MRS2: variants seen among roughly 807,000 people sequenced by gnomAD.
MRS2 encodes magnesium transporter MRS2.
In MRS2, 40 loss-of-function variants were observed where a neutral mutation model predicts 52.6. That is an observed-to-expected ratio of 0.76 (90% confidence interval 0.59 to 0.99). MRS2 has a LOEUF of 0.99. Among genes scored for constraint, MRS2 ranks in the 50% least tolerant of loss-of-function variants. The probability of loss-of-function intolerance (pLI) is 0.00; values close to 1 mark genes in which losing one functional copy is unlikely to be tolerated. For missense variants in MRS2, 472 were observed against 532.7 expected, an observed-to-expected ratio of 0.89 and a Z score of 1.12; for synonymous variants, 193 against 195.9, an observed-to-expected ratio of 0.98 and a Z score of 0.13.
At chr6:24,417,953 A>AAG (rs1325757905) in intron 7 of MRS2, 131 bp from the exon 8 acceptor site, 4 of 412,018 alleles carry the variant, frequency 9.7e-6, no homozygotes, top group Non-Finnish European at 1.5e-5. Flanking sequence ...AAAAAAAAAA[A>AAG]GACAAGACAA....
chr6:24,418,261 A>G (rs747715189), intron 8 of MRS2, 25 bp downstream of exon 8: 9 of 1,524,540 alleles, frequency 5.9e-6, no homozygotes, highest in Non-Finnish European at 7.9e-6. Context: ...TATAAAACTA[A>G]GTTTTTTTAA....
rs1295686633 is a variant in MRS2 at position 24,403,158 on chromosome 6, G to C, written c.112G>C (p.Ala38Pro). The change falls in exon 1 of 11, where the codon GCC becomes CCC. Residue 38 changes from alanine (A) to proline (P), a missense_variant. By Grantham distance (27) the Ala-to-Pro change is conservative (BLOSUM62 -1). Coordinates refer to ENST00000378386, the MANE Select transcript of MRS2 (RefSeq NM_020662.4). The stretch of plus-strand genomic sequence containing the variant: ...GACCTCTGTGGGTCCTCCCGTTGCT[G>C]CCTGCGGCCGCCGAGCCAACCTGAT... ...DVTSVGPPVA[A>P]CGRRANLIGR... The C allele has an allele frequency of 1.9e-6, 3 of 1,609,104 alleles. No individual in the cohort carries two copies. In the African/African-American group the frequency reaches 4.0e-5, roughly 21 times the overall value.
In MRS2 at chr6:24,425,646, G is replaced by A. The variant is rs1762209519; in HGVS notation, c.*1952G>A. On this transcript the variant is annotated 3_prime_UTR_variant, in exon 11 of 11. Coordinates refer to ENST00000378386, the MANE Select transcript of MRS2 (RefSeq NM_020662.4). ...AAATGGACTGAGCACATTAATTACT[G>A]TTTGAAAGTAGGTACCAAACACTGG... 6.6e-6 allele frequency: 1 copy of A among 152,188 alleles called. No individual in the cohort carries two copies. The highest frequency in any genetic ancestry group is 6.5e-5 in the Admixed American group (1 of 15,284). The allele number at this position is 152,188 out of a possible 1,614,324, so 9.4% of individuals were successfully genotyped here.
chr6:24,418,105 T>C lies in MRS2; in HGVS notation c.858T>C (p.Ile286=), dbSNP rs752725510. ...GAAGTGAAAAGAGCAGTGCTGGGAT[T>C]GACCATGCAGAAGAGATGGAGTTGC... The part of the protein sequence containing the change: ...PQVFEKSSAG[I]DHAEEMELLL... Residue 286 remains isoleucine, a synonymous_variant, in exon 8 of 11, where the codon ATT becomes ATC. Coordinates refer to ENST00000378386, the MANE Select transcript of MRS2 (RefSeq NM_020662.4). The C allele has an allele frequency of 6.2e-7, 1 of 1,613,088 alleles. No homozygotes were observed. Among genetic ancestry groups the C allele is most frequent in the Admixed American group, 1.7e-5 (1 of 59,734 alleles).
intron 5 of MRS2, among the ~76,000 whole-genome samples, chr6:24,414,662 G>C (rs1223280692): frequency 6.6e-6 from 1 of 152,172 alleles, no homozygotes; most frequent in South Asian, 2.1e-4. Flanking sequence ...TGAGCTGTTG[G>C]GTACACCTCC....
intron 5 of MRS2, among the ~76,000 whole-genome samples, 168 bp downstream of exon 5, chr6:24,412,563 T>G (rs1237645277): frequency 6.6e-6 from 1 of 152,210 alleles, no homozygotes; most frequent in Non-Finnish European, 1.5e-5. Context: ...AATTCTTAAA[T>G]GTTATGACCC....
At chr6:24,408,266 G>C (rs147366866) in intron 2 of MRS2, 142 bp from the exon 3 acceptor site, 27 of 590,326 alleles carry the variant, frequency 4.6e-5, no homozygotes, top group African/African-American at 4.1e-4. Flanking sequence ...ATCTAAAGAA[G>C]GTCAGTAATG....
chr6:24,418,595 AT>A lies in MRS2; in HGVS notation c.1107+20del. ...CTTGAAGAGGTGAGAATGTATTATT[AT>A]TTCTAAAACTTGGGGGTTTTGGCCG... On this transcript the variant is annotated intron_variant, in intron 9 of 10. Coordinates refer to ENST00000378386, the MANE Select transcript of MRS2 (RefSeq NM_020662.4). 2 of 1,591,378 alleles carry A rather than the reference AT, an allele frequency of 1.3e-6. No individual in the cohort carries two copies. The highest frequency in any genetic ancestry group is 8.6e-7 in the Non-Finnish European group (1 of 1,160,674).
At chr6:24,414,962 G>A in intron 5 of MRS2, 71 bp from the exon 6 acceptor site, 2 of 1,361,678 alleles carry the variant, frequency 1.5e-6, no homozygotes, top group Non-Finnish European at 2.0e-6. Context: ...TATTTAATCA[G>A]AGGATTCACT....
intron 3 of MRS2, among the ~76,000 whole-genome samples, chr6:24,408,791 C>G (rs538278942): frequency 7.9e-5 from 12 of 152,282 alleles, no homozygotes; most frequent in African/African-American, 2.9e-4. Context: ...CTCATTCATT[C>G]TCCTGAAGCA....
intron 1 of MRS2, among the ~76,000 whole-genome samples, chr6:24,404,805 CTT>C (rs949846995): frequency 6.6e-5 from 10 of 152,284 alleles, no homozygotes; most frequent in South Asian, 2.1e-4. Context: ...CATGAAGAGT[CTT>C]TTAAATTATG....
At chr6:24,420,218 G>A (rs192664304) in intron 9 of MRS2, among the ~76,000 whole-genome samples, 1 of 152,138 alleles carries the variant, frequency 6.6e-6, no homozygotes, top group East Asian at 1.9e-4. Context: ...TCCCCGTTTT[G>A]CTTAGTTACT....
chr6:24,412,013 A>AT (rs1024000162), intron 4 of MRS2, among the ~76,000 whole-genome samples: 4 of 150,486 alleles, frequency 2.7e-5, no homozygotes, highest in Admixed American at 6.6e-5. Flanking sequence ...AAAAACCTTG[A>AT]TTTTTTTGAA....
At chr6:24,412,686 G>A (rs975396212) in intron 5 of MRS2, among the ~76,000 whole-genome samples, 1 of 152,092 alleles carries the variant, frequency 6.6e-6, no homozygotes, top group African/African-American at 2.4e-5. Context: ...ACAATCCTTT[G>A]TTTGAGCCAG....
rs1761580870 is a variant in MRS2, at chr6:24,409,459, A to G, written c.302-2A>G. The G allele has an allele frequency of 1.3e-6, 2 of 1,578,772 alleles. No individual in the cohort carries two copies. Among genetic ancestry groups the G allele is most frequent in the South Asian group, 2.3e-5 (2 of 87,668 alleles). ...AGCCCTCTCTGTTTATTTCTTTTAT[A>G]GAAAGGAAGAAAACTGAATTATACC... On this transcript the variant is annotated splice_acceptor_variant, in intron 3 of 10. Coordinates refer to ENST00000378386, the MANE Select transcript of MRS2 (RefSeq NM_020662.4). LOFTEE classifies it high-confidence loss of function.
rs1203384044 is a variant in MRS2 at position 24,409,573 on chromosome 6, G to A, written c.414G>A (p.Glu138=). 2.0e-6 allele frequency: 3 copies of A among 1,519,500 alleles called. No homozygotes were observed. Among genetic ancestry groups the A allele is most frequent in the Admixed American group, 1.8e-5 (1 of 54,520 alleles). 94.1% of individuals were successfully genotyped at this position (1,519,500 alleles called of 1,614,324 possible). A position where few individuals can be genotyped will look rare whatever the true frequency, so the allele number is the denominator to read the frequency against. Residue 138 remains glutamate, a splice_region_variant and synonymous_variant, in exon 4 of 11, where the codon GAG becomes GAA. Coordinates refer to ENST00000378386, the MANE Select transcript of MRS2 (RefSeq NM_020662.4). Reference sequence around the variant, plus strand: ...ACAATAGGATTATCATGAGAATGGAGGTAAAATATTTTATTTTCATCTATG... The same window carrying A: ...ACAATAGGATTATCATGAGAATGGAAGTAAAATATTTTATTTTCATCTATG... ...VRNNRIIMRM[E]YLKAVITPEC... is the part of the protein sequence containing the mutation.
At chr6:24,415,445 T>A (rs1761817260) in intron 6 of MRS2, among the ~76,000 whole-genome samples, 1 of 152,200 alleles carries the variant, frequency 6.6e-6, no homozygotes, top group Non-Finnish European at 1.5e-5. Context: ...TTGCCTAAAT[T>A]TATATGGCTA....
intron 9 of MRS2, chr6:24,418,804 C>T (rs949597769): frequency 2.7e-6 from 1 of 368,298 alleles, no homozygotes; most frequent in African/African-American, 2.1e-5. Flanking sequence ...GAGGCTGAGG[C>T]AGGAGAATCA....
At chr6:24,417,441 T>C (rs759735481) in intron 7 of MRS2, among the ~76,000 whole-genome samples, 40 of 152,232 alleles carry the variant, frequency 2.6e-4, no homozygotes, top group Non-Finnish European at 4.1e-4. Context: ...GATAGTGGTA[T>C]TGGCTTTGCA....
Sources: allele counts gnomAD v4.1 joint callset (sites outside exome capture counted in the v4.1 genomes callset), GRCh38; gene constraint gnomAD v4.1.1; transcripts MANE v1.5; gene names NCBI Gene and HGNC (gene_info 2026-07-23, HGNC 2026-07-21).